Variants in SIGLEC8 observed in about 807,000 individuals in gnomAD.
The protein encoded by SIGLEC8 is sialic acid-binding Ig-like lectin 8.
A neutral mutation model predicts 42.1 loss-of-function variants in SIGLEC8; 32 were observed. The ratio of observed to expected loss-of-function variants is 0.76; its 90% CI spans 0.57 to 1.02. SIGLEC8 has a LOEUF of 1.02. Ranked by LOEUF, SIGLEC8 falls within the 50% of genes least tolerant of loss-of-function variation. The pLI is 0.00. For missense variants in SIGLEC8, 611 were observed against 610.2 expected (o/e 1.00, Z -0.01); for synonymous variants, 262 against 260.3 (o/e 1.01, Z -0.06).
intron 6 of SIGLEC8, 24 bp from the exon 7 acceptor site, chr19:51,452,657 T>A: frequency 6.7e-6 from 10 of 1,494,464 alleles, no homozygotes; most frequent in Non-Finnish European, 8.9e-6. Context: ...GAGAAGGGAG[T>A]CAGAACAGAG....
chr19:51,455,793 C>T lies in SIGLEC8; in HGVS notation c.782-106G>A, dbSNP rs543527647. ...ATGCACATGTATGTTTATTGTGGCA[C>T]TATTCACAATAGCAAAGACTTGGAA... On this transcript the variant is annotated intron_variant, in intron 3 of 6. Coordinates refer to ENST00000321424, the MANE Select transcript of SIGLEC8 (RefSeq NM_014442.3). 31 of 1,054,344 alleles carry T rather than the reference C, an allele frequency of 2.9e-5. No individual in the cohort carries two copies. In the Admixed American group the frequency reaches 4.6e-4, roughly 16 times the overall value. The allele number at this position is 1,054,344 out of a possible 1,614,324, so 65.3% of individuals were successfully genotyped here. A position where few individuals can be genotyped will look rare whatever the true frequency, so the allele number is the denominator to read the frequency against.
At chr19:51,457,786 A>G in intron 1 of SIGLEC8, 47 bp from the exon 2 acceptor site, 1 of 1,550,688 alleles carries the variant, frequency 6.4e-7, no homozygotes, top group Non-Finnish European at 8.7e-7. Flanking sequence ...TTTCAGGTGC[A>G]GCCCTGGAGG....
At chr19:51,457,092 TC>T in intron 3 of SIGLEC8, 91 bp downstream of exon 3, 2 of 1,195,538 alleles carry the variant, frequency 1.7e-6, no homozygotes, top group Non-Finnish European at 2.5e-6. Context: ...CAGCTCTGTT[TC>T]CCAAAGTGAT....
rs749996121 is a variant in SIGLEC8 at position 51,451,144 on chromosome 19, CA to C, written c.*1234del. On this transcript the variant is annotated 3_prime_UTR_variant, in exon 7 of 7. Transcript: ENST00000321424. ...GAAGAGCAGGGGAAACCACCACTTA[CA>C]AAACCATCAGATCTCGTGATAACTC... 1 of 152,102 alleles carries C rather than the reference CA, an allele frequency of 6.6e-6. No homozygotes were observed. The highest frequency in any genetic ancestry group is 1.5e-5 in the Non-Finnish European group (1 of 68,016). 9.4% of individuals were successfully genotyped at this position (152,102 alleles called of 1,614,324 possible). A position where few individuals can be genotyped will look rare whatever the true frequency, so the allele number is the denominator to read the frequency against.
intron 3 of SIGLEC8, among the ~76,000 whole-genome samples, chr19:51,456,819 A>G (rs963571307): frequency 6.6e-6 from 1 of 152,204 alleles, no homozygotes. Context: ...CTACTGGGAA[A>G]ACAGAAAGAT....
In SIGLEC8 at chr19:51,454,538, C is replaced by T. The variant is rs1989444109; in HGVS notation, c.1148+146G>A. 6 of 1,005,164 alleles carry T rather than the reference C, an allele frequency of 6.0e-6. No individual in the cohort carries two copies. Among genetic ancestry groups the T allele is most frequent in the East Asian group, 5.0e-5 (2 of 40,392 alleles). 62.3% of individuals were successfully genotyped at this position (1,005,164 alleles called of 1,614,324 possible). ...GTGGAGCCCCACAGACAAGGACGCT[C>T]GTGAAATGCTCACCGTGCACCCGTG... On this transcript the variant is annotated intron_variant, in intron 5 of 6. Transcript: ENST00000321424. The surrounding 1 kb of genome is among the most constrained non-coding windows in gnomAD (Gnocchi z 4.7).
chr19:51,455,815 G>T (rs1989477292), intron 3 of SIGLEC8, 128 bp from the exon 4 acceptor site: 1 of 824,654 alleles, frequency 1.2e-6, no homozygotes, highest in Non-Finnish European at 1.9e-6. Context: ...GCAAAGACTT[G>T]GAACCAGCCC....
rs999798645 is a variant in SIGLEC8, at chr19:51,455,548, G to A, written c.921C>T (p.Ser307=). The A allele has an allele frequency of 1.4e-5, 22 of 1,613,960 alleles. No homozygotes were observed. The highest frequency in any genetic ancestry group is 1.1e-5 in the Non-Finnish European group (13 of 1,179,992). The change falls in exon 4 of 7, where the codon TCC becomes TCT. Residue 307 remains serine, a synonymous_variant. Coordinates refer to ENST00000321424, the MANE Select transcript of SIGLEC8 (RefSeq NM_014442.3). ...RGSLTLCPSR[S]SNPGLLELPR... ...GCAGCTCCAGCAGCCCAGGGTTTGA[G>A]GACCGTGAGGGGCACAGGGTCAGGC...
At chr19:51,453,326 G>A in intron 6 of SIGLEC8, 1 of 947,422 alleles carries the variant, frequency 1.1e-6, no homozygotes, top group Non-Finnish European at 1.3e-6. Context: ...CTGGGCTCAA[G>A]CGATCCTCCT....
chr19:51,454,100 G>A lies in SIGLEC8; in HGVS notation c.1245+119C>T. 3 of 1,514,304 alleles carry A rather than the reference G, an allele frequency of 2.0e-6. No individual in the cohort carries two copies. The South Asian group carries it at 3.9e-5, about 20-fold the overall frequency. The allele number at this position is 1,514,304 out of a possible 1,614,324, so 93.8% of individuals were successfully genotyped here. A position where few individuals can be genotyped will look rare whatever the true frequency, so the allele number is the denominator to read the frequency against. On this transcript the variant is annotated intron_variant, in intron 6 of 6. Transcript: ENST00000321424. This position sits in a 1 kb window ranked among gnomAD's most constrained non-coding sequence, Gnocchi z 4.7. ...GGGAGTCCTGTAGAAGCCGGCCTGT[G>A]GGAAGGAGGAGGAGACGAGGAAGTG...
At position 51,457,556 on chromosome 19, in the gene SIGLEC8, G is replaced by C; in HGVS notation, c.638C>G (p.Pro213Arg). The change falls in exon 2 of 7, where the codon CCA becomes CGA. Residue 213 changes from proline (P) to arginine (R), a missense_variant. Coordinates refer to ENST00000321424, the MANE Select transcript of SIGLEC8 (RefSeq NM_014442.3). Reference protein sequence around the residue: ...TARSSVLTLTPKPQDHGTSLT... With the variant: ...TARSSVLTLTRKPQDHGTSLT... ...GCTGGTGCCGTGGTCCTGGGGCTTTGGGGTAAGGGTGAGCACTGAGGAGCG... is the reference window on the plus strand; with the variant it reads ...GCTGGTGCCGTGGTCCTGGGGCTTTCGGGTAAGGGTGAGCACTGAGGAGCG... The C allele has an allele frequency of 6.2e-7, 1 of 1,614,030 alleles. No homozygotes were observed. Among genetic ancestry groups the C allele is most frequent in the Non-Finnish European group, 8.5e-7 (1 of 1,179,986 alleles).
At chr19:51,456,899 C>T (rs928029565) in intron 3 of SIGLEC8, among the ~76,000 whole-genome samples, 4 of 152,094 alleles carry the variant, frequency 2.6e-5, no homozygotes, top group African/African-American at 9.7e-5. Flanking sequence ...TAAAAACGAA[C>T]AAAAACCAAA....
At chr19:51,452,797 A>T (rs1989397366) in intron 6 of SIGLEC8, among the ~76,000 whole-genome samples, 164 bp from the exon 7 acceptor site, 1 of 152,164 alleles carries the variant, frequency 6.6e-6, no homozygotes, top group Non-Finnish European at 1.5e-5. Context: ...CTTACTGAGC[A>T]CCTGTTTGGT....
Position 51,454,545 on chromosome 19 carries a change from T to C in SIGLEC8, c.1148+139A>G, listed in dbSNP as rs1989444164. The stretch of plus-strand genomic sequence containing the variant: ...CCCACAGACAAGGACGCTCGTGAAA[T>C]GCTCACCGTGCACCCGTGAGCTCAT... On this transcript the variant is annotated intron_variant, in intron 5 of 6. Coordinates refer to ENST00000321424, the MANE Select transcript of SIGLEC8 (RefSeq NM_014442.3). The surrounding 1 kb of genome is among the most constrained non-coding windows in gnomAD (Gnocchi z 4.7). The C allele has an allele frequency of 1.3e-5, 13 of 1,000,580 alleles. No individual in the cohort carries two copies. Among genetic ancestry groups the C allele is most frequent in the Non-Finnish European group, 2.0e-5 (13 of 664,122 alleles). The allele number at this position is 1,000,580 out of a possible 1,614,324, so 62.0% of individuals were successfully genotyped here. A position where few individuals can be genotyped will look rare whatever the true frequency, so the allele number is the denominator to read the frequency against.
At position 51,457,532 on chromosome 19, in the gene SIGLEC8, C is replaced by T. The variant is rs746269355; in HGVS notation, c.662G>A (p.Ser221Asn). 6.2e-7 allele frequency: 1 copy of T among 1,613,998 alleles called. No homozygotes were observed. Among genetic ancestry groups the T allele is most frequent in the African/African-American group, 1.3e-5 (1 of 75,026 alleles). ...AGGCAAGGTCACCTGACAGGTGAGGCTGGTGCCGTGGTCCTGGGGCTTTGG... is the reference window on the plus strand; with the variant it reads ...AGGCAAGGTCACCTGACAGGTGAGGTTGGTGCCGTGGTCCTGGGGCTTTGG... ...LTPKPQDHGT[S>N]LTCQVTLPGT... is the part of the protein sequence containing the mutation. Residue 221 changes from serine (S) to asparagine (N), a missense_variant, in exon 2 of 7, where the codon AGC becomes AAC. Transcript: ENST00000321424.
At chr19:51,457,842 C>T (rs773222800) in intron 1 of SIGLEC8, 92 bp downstream of exon 1, 163 of 1,548,142 alleles carry the variant, frequency 1.1e-4, no homozygotes, top group Non-Finnish European at 1.4e-4. Context: ...CGACTTATTT[C>T]AATCCCAACC....
rs776289991 is a variant in SIGLEC8 at position 51,455,497 on chromosome 19, C to T, written c.972G>A (p.Gly324=). The T allele has an allele frequency of 5.0e-6, 8 of 1,613,992 alleles. No individual in the cohort carries two copies. The highest frequency in any genetic ancestry group is 5.9e-6 in the Non-Finnish European group (7 of 1,180,002). Reference sequence around the variant, plus strand: ...CGTTCTGAGCTCGGCAGGTGAATTCCCCTTCATCCCTCACGTGCACTCGAG... The same window carrying T: ...CGTTCTGAGCTCGGCAGGTGAATTCTCCTTCATCCCTCACGTGCACTCGAG... The part of the protein sequence containing the change: ...ELPRVHVRDE[G]EFTCRAQNAQ... Residue 324 remains glycine (G), a synonymous_variant, in exon 4 of 7, where the codon GGG becomes GGA. Coordinates refer to ENST00000321424, the MANE Select transcript of SIGLEC8 (RefSeq NM_014442.3).
Position 51,454,255 on chromosome 19 carries a change from C to T in SIGLEC8, c.1209G>A (p.Met403Ile). ...RPAAGVGDTG[M>I]EDAKAIRGSA... Reference sequence around the variant, plus strand: ...AGCCCCTGATGGCCTTTGCATCTTCCATGCCTGTATCCCCCACGCCCGCTG... The same window carrying T: ...AGCCCCTGATGGCCTTTGCATCTTCTATGCCTGTATCCCCCACGCCCGCTG... Residue 403 changes from methionine (M) to isoleucine (I), a missense_variant, in exon 6 of 7, where the codon ATG becomes ATA. Physicochemically the swap from Met to Ile is conservative, Grantham distance 10. Coordinates refer to ENST00000321424, the MANE Select transcript of SIGLEC8 (RefSeq NM_014442.3). The surrounding 1 kb of genome is among the most constrained non-coding windows in gnomAD (Gnocchi z 4.7). 1 of 1,614,158 alleles carries T rather than the reference C, an allele frequency of 6.2e-7. No homozygotes were observed. Among genetic ancestry groups the T allele is most frequent in the Non-Finnish European group, 8.5e-7 (1 of 1,180,036 alleles).
Position 51,452,424 on chromosome 19 carries a change from G to A in SIGLEC8, c.1455C>T (p.Ala485=). 2.5e-6 allele frequency: 4 copies of A among 1,612,244 alleles called. No individual in the cohort carries two copies. The South Asian group carries it at 3.3e-5, about 13-fold the overall frequency. ...TGGAGGGGTTGTGATTCCTCAAACA[G>A]GCCTGAGTCTCTGCAGTTTCTCGCT... ...IHKRETAETQ[A]CLRNHNPSSK... Residue 485 remains alanine, a synonymous_variant, in exon 7 of 7, where the codon GCC becomes GCT. Transcript: ENST00000321424.
Sources: gnomAD v4.1 joint callset for allele counts (sites outside exome capture counted in the v4.1 genomes callset) on GRCh38, gnomAD v4.1.1 for gene constraint, Gnocchi (gnomAD v3.1) non-coding constraint, MANE v1.5 for transcripts, NCBI Gene and HGNC (gene_info 2026-07-23, HGNC 2026-07-21) for gene names.